Variants in ZPBP observed in about 807,000 individuals in gnomAD.
ZPBP encodes the protein zona pellucida-binding protein 1.
Under a neutral mutation model 44.8 loss-of-function variants are expected in ZPBP, and 26 were observed. That is an observed-to-expected ratio of 0.58 (90% CI 0.43 to 0.81). The LOEUF (loss-of-function observed/expected upper bound fraction) is 0.81, where lower values mean the gene tolerates loss of function less well. Among genes scored for constraint, ZPBP ranks in the 30% least tolerant of loss-of-function variants. The probability of loss-of-function intolerance (pLI) is 0.00; values close to 1 mark genes in which losing one functional copy is unlikely to be tolerated. For missense variants in ZPBP, 409 were observed against 434.0 expected, an observed-to-expected ratio of 0.94 and a Z score of 0.51; for synonymous variants, 174 against 153.2, an observed-to-expected ratio of 1.14 and a Z score of -1.00.
At chr7:50,021,968 G>T (rs904529356) in intron 5 of ZPBP, among the ~76,000 whole-genome samples, 1 of 152,098 alleles carries the variant, frequency 6.6e-6, no homozygotes, top group African/African-American at 2.4e-5. Flanking sequence ...TCACATACTA[G>T]GTGTCCACAA....
chr7:50,057,306 A>G (rs4019793), intron 4 of ZPBP, among the ~76,000 whole-genome samples: 127,624 of 151,992 alleles, frequency 0.84, 53,617 homozygotes, highest in East Asian at 0.88. Context: ...AAGATGTATG[A>G]GAACAGACAC....
chr7:49,908,206 A>G (rs1297164616), intron 1 of ZPBP, among the ~76,000 whole-genome samples: 1 of 152,162 alleles, frequency 6.6e-6, no homozygotes, highest in Non-Finnish European at 1.5e-5. Context: ...CTCTATTTTA[A>G]TGGTAAAGCT....
intron 2 of ZPBP, among the ~76,000 whole-genome samples, chr7:49,899,118 C>T (rs1169599451): frequency 1.3e-5 from 2 of 151,974 alleles, no homozygotes; most frequent in African/African-American, 4.8e-5. Context: ...CATAGACTAT[C>T]CCCCCTTATC....
intron 4 of ZPBP, among the ~76,000 whole-genome samples, chr7:50,045,327 G>A (rs1486217447): frequency 6.6e-6 from 1 of 152,104 alleles, no homozygotes; most frequent in Non-Finnish European, 1.5e-5. Context: ...AAAACATAAA[G>A]GGTATTCAAA....
intron 6 of ZPBP, among the ~76,000 whole-genome samples, chr7:49,985,658 AAAC>A (rs1242617051): frequency 2.9e-4 from 43 of 147,180 alleles, no homozygotes; most frequent in Middle Eastern, 3.6e-3. Flanking sequence ...AAAAAAAAAA[AAAC>A]CTAAATGAAG....
chr7:50,052,910 G>T (rs139137519), intron 4 of ZPBP, among the ~76,000 whole-genome samples: 1 of 152,150 alleles, frequency 6.6e-6, no homozygotes, highest in African/African-American at 2.4e-5. Context: ...AGAGAAGATT[G>T]GTGGTTGCCA....
At chr7:50,036,669 T>C (rs1317507436) in intron 4 of ZPBP, among the ~76,000 whole-genome samples, 2 of 152,152 alleles carry the variant, frequency 1.3e-5, no homozygotes, top group Non-Finnish European at 2.9e-5. Flanking sequence ...ATAGTAAATA[T>C]GACTAAATAT....
intron 4 of ZPBP, among the ~76,000 whole-genome samples, chr7:50,032,144 G>A (rs145663991): frequency 6.6e-6 from 1 of 152,118 alleles, no homozygotes; most frequent in South Asian, 2.1e-4. Context: ...TTGGAGTAGA[G>A]ACCAGACAGC....
intron 1 of ZPBP, among the ~76,000 whole-genome samples, chr7:49,907,466 TAGG>T (rs1793168548): frequency 6.6e-6 from 1 of 152,088 alleles, no homozygotes; most frequent in African/African-American, 2.4e-5. Flanking sequence ...AGGATAAAAA[TAGG>T]AGAGTATATT....
At chr7:50,003,791 C>G (rs1054196515) in intron 6 of ZPBP, among the ~76,000 whole-genome samples, 2 of 151,500 alleles carry the variant, frequency 1.3e-5, no homozygotes, top group African/African-American at 4.8e-5. Context: ...CAAATTTCAA[C>G]AAATGTTTAC....
intron 1 of ZPBP, among the ~76,000 whole-genome samples, chr7:49,930,618 C>A (rs1794413729): frequency 1.3e-5 from 2 of 152,000 alleles, no homozygotes; most frequent in Admixed American, 1.3e-4. Context: ...AATATGTATT[C>A]TGATATATCA....
chr7:50,013,429 A>G lies in ZPBP; in HGVS notation c.783+4811T>C, dbSNP rs548514230. Among the ~76,000 whole-genome samples the G allele has an allele frequency of 2.2e-4, 34 of 152,120 alleles. No individual in the cohort carries two copies. The South Asian group carries it at 7.0e-3, about 31-fold the overall frequency. On this transcript the variant is annotated intron_variant, in intron 6 of 7. Coordinates refer to ENST00000046087, the MANE Select transcript of ZPBP (RefSeq NM_007009.3). ...CAGAAGTTCAACATTACACAAATAT[A>G]AATATATTGCAAATAAAATTTCTGT...
At chr7:49,982,297 TATAATATATAATTATATA>T (rs1187780089) in intron 7 of ZPBP, among the ~76,000 whole-genome samples, 1,923 of 21,056 alleles carry the variant, frequency 0.091, 79 homozygotes, top group African/African-American at 0.34. Flanking sequence ...ACATAATATA[TATAATATATAATTATATA>T]ATATATAATT....
At chr7:49,908,348 C>T (rs1355353127) in intron 1 of ZPBP, among the ~76,000 whole-genome samples, 1 of 152,094 alleles carries the variant, frequency 6.6e-6, no homozygotes, top group Non-Finnish European at 1.5e-5. Context: ...GGGGTCCATT[C>T]AATTGGTGAG....
In ZPBP at chr7:50,089,785, G is replaced by T. The variant is rs773705781; in HGVS notation, c.128-76C>A. 5.9e-6 allele frequency: 7 copies of T among 1,184,994 alleles called. No individual in the cohort carries two copies. In the African/African-American group the frequency reaches 6.1e-5, roughly 10 times the overall value. The allele number at this position is 1,184,994 out of a possible 1,614,324, so 73.4% of individuals were successfully genotyped here. A position where few individuals can be genotyped will look rare whatever the true frequency, so the allele number is the denominator to read the frequency against. On this transcript the variant is annotated intron_variant, in intron 1 of 7. Transcript: ENST00000046087. ...TCAAATATACTATTACAGTATCTTT[G>T]GTATTGGTTGAAGGGGAGAGCCATA...
At chr7:49,843,615 T>C in the ZPBP span, among the ~76,000 whole-genome samples, 470 of 152,318 alleles carry the variant, frequency 3.1e-3, 5 homozygotes, top group African/African-American at 0.011. Context: ...GTTTCCAGTT[T>C]GTAATGTCCA....
At chr7:50,006,164 T>C (rs953783538) in intron 6 of ZPBP, among the ~76,000 whole-genome samples, 2 of 151,642 alleles carry the variant, frequency 1.3e-5, no homozygotes, top group African/African-American at 2.4e-5. Flanking sequence ...ATGGACAGAA[T>C]TGAAGAGAGA....
At chr7:50,077,421 T>C (rs1802150087) in intron 3 of ZPBP, among the ~76,000 whole-genome samples, 2 of 151,838 alleles carry the variant, frequency 1.3e-5, no homozygotes, top group African/African-American at 2.4e-5. Flanking sequence ...AAAAAGGTTT[T>C]GCATAGCAAA....
intron 2 of ZPBP, among the ~76,000 whole-genome samples, chr7:49,883,424 A>G (rs898186198): frequency 6.6e-6 from 1 of 152,200 alleles, no homozygotes; most frequent in African/African-American, 2.4e-5. Context: ...AAGGTGAATT[A>G]TGTTCTCAAA....
Sources: allele counts gnomAD v4.1 joint callset (sites outside exome capture counted in the v4.1 genomes callset), GRCh38; gene constraint gnomAD v4.1.1; transcripts MANE v1.5; gene names NCBI Gene and HGNC (gene_info 2026-07-23, HGNC 2026-07-21).